FHDC1: variants seen among roughly 807,000 people sequenced by gnomAD.
FHDC1 encodes the protein FH2 domain containing 1.
FHDC1 carries 25 observed loss-of-function variants against 52.6 expected under a neutral mutation model. The observed-to-expected ratio is 0.48, with a 90% CI of 0.35 to 0.66. The LOEUF (loss-of-function observed/expected upper bound fraction) is 0.66, where lower values mean the gene tolerates loss of function less well. Among genes scored for constraint, FHDC1 ranks in the 30% least tolerant of loss-of-function variants. FHDC1 has a pLI of 0.01. For missense variants in FHDC1, 1,459 were observed against 1,452.8 expected (o/e 1.00, Z -0.07); for synonymous variants, 616 against 581.5 (o/e 1.06, Z -0.85).
chr4:152,934,614 C>G (rs939887250), upstream of FHDC1, among the ~76,000 whole-genome samples: 1 of 152,186 alleles, frequency 6.6e-6, no homozygotes, highest in Non-Finnish European at 1.5e-5. Flanking sequence ...AGTTTGAAAT[C>G]AGAAGGTATT....
chr4:152,954,079 A>C, intron 3 of FHDC1, 138 bp from the exon 4 acceptor site: 1 of 660,928 alleles, frequency 1.5e-6, no homozygotes, highest in Non-Finnish European at 2.6e-6. Context: ...TGTTATGAGC[A>C]CTCACACAAA....
chr4:152,943,109 AT>A lies in FHDC1; in HGVS notation c.54del (p.Ile18MetfsTer8). On this transcript the variant is annotated frameshift_variant, in exon 2 of 12. Transcript: ENST00000511601. LOFTEE classifies it high-confidence loss of function. Reference protein sequence around the residue: ...SLVSDKENGNIATAPGFMIGQ... With the variant: ...SLVSDKENGNXATAPGFMIGQ... ...GGTCAGTGATAAAGAAAATGGGAAT[AT>A]TGCCACAGCACCTGGATTCATGATT... The A allele has an allele frequency of 1.2e-6, 2 of 1,614,036 alleles. No individual in the cohort carries two copies. Among genetic ancestry groups the A allele is most frequent in the East Asian group, 4.5e-5 (2 of 44,876 alleles).
intron 1 of FHDC1, among the ~76,000 whole-genome samples, chr4:152,939,113 C>T (rs192548987): frequency 6.6e-6 from 1 of 152,226 alleles, no homozygotes; most frequent in African/African-American, 2.4e-5. Context: ...CGGAGTCTGG[C>T]TCTGTCGCCA....
the FHDC1 span, among the ~76,000 whole-genome samples, chr4:152,928,986 AG>A: frequency 6.6e-6 from 1 of 151,594 alleles, no homozygotes; most frequent in Admixed American, 6.6e-5. Flanking sequence ...AGAAAAAAAA[AG>A]AAAGTTTATT....
At position 152,968,098 on chromosome 4, in the gene FHDC1, G is replaced by A; in HGVS notation, c.1218+1G>A. ...TCAGCAGATGGAAGATTTTCTTCAG[G>A]TTTGTAGGTGACTCAAGTCAGTCCC... is the stretch of plus-strand genomic sequence containing the variant. On this transcript the variant is annotated splice_donor_variant, in intron 10 of 11. Coordinates refer to ENST00000511601, the MANE Select transcript of FHDC1 (RefSeq NM_001371116.1). LOFTEE classifies it high-confidence loss of function. 1.9e-6 allele frequency: 3 copies of A among 1,610,644 alleles called. No homozygotes were observed. The highest frequency in any genetic ancestry group is 2.5e-6 in the Non-Finnish European group (3 of 1,177,576).
At position 152,943,067 on chromosome 4, in the gene FHDC1, AT is replaced by A; in HGVS notation, c.11del (p.Met4ArgfsTer22). On this transcript the variant is annotated frameshift_variant, in exon 2 of 12. Transcript: ENST00000511601. LOFTEE classifies it high-confidence loss of function. ...AGGAGGCAACAGTACTATGCATGTT[AT>A]GAATTGTGTCTCCTTGGTCAGTGAT... is the stretch of plus-strand genomic sequence containing the variant. MHV[M>X]NCVSLVSDKE... 3 of 1,612,070 alleles carry A rather than the reference AT, an allele frequency of 1.9e-6. No individual in the cohort carries two copies. The African/African-American group carries it at 4.0e-5, about 21-fold the overall frequency.
At position 152,974,963 on chromosome 4, in the gene FHDC1, T is replaced by C; in HGVS notation, c.1672T>C (p.Ser558Pro). ...GGAGCTGCTGACCTTCTTGGAGAGCTCCACCGGCAGCCCTGAGGAGCCCAA... is the reference window on the plus strand; with the variant it reads ...GGAGCTGCTGACCTTCTTGGAGAGCCCCACCGGCAGCCCTGAGGAGCCCAA... ...DRELLTFLES[S>P]TGSPEEPNKF... Residue 558 changes from serine (S) to proline (P), a missense_variant, in exon 12 of 12, where the codon TCC (serine) becomes CCC (proline). By Grantham distance (74) the Ser-to-Pro change is moderately conservative. Around this residue, in one of 3 missense-constraint regions of FHDC1, gnomAD observed 939 missense variants for 854.5 expected, o/e 1.10. Coordinates refer to ENST00000511601, the MANE Select transcript of FHDC1 (RefSeq NM_001371116.1). 2.5e-6 allele frequency: 4 copies of C among 1,612,228 alleles called. No individual in the cohort carries two copies. Among genetic ancestry groups the C allele is most frequent in the Non-Finnish European group, 3.4e-6 (4 of 1,179,776 alleles).
intron 2 of FHDC1, among the ~76,000 whole-genome samples, chr4:152,953,070 G>A (rs62320606): frequency 0.031 from 4,678 of 151,952 alleles, 97 homozygotes; most frequent in South Asian, 0.09. Context: ...GTAGGCAGAG[G>A]TTGCAGTGAG....
intron 3 of FHDC1, 34 bp from the exon 4 acceptor site, chr4:152,954,183 C>A: frequency 6.3e-7 from 1 of 1,575,960 alleles, no homozygotes; most frequent in Non-Finnish European, 8.7e-7. Flanking sequence ...CTCCAGCAAA[C>A]GTGAAATGGA....
At chr4:152,940,544 A>G (rs1267972211) in intron 1 of FHDC1, among the ~76,000 whole-genome samples, 1 of 152,162 alleles carries the variant, frequency 6.6e-6, no homozygotes, top group Non-Finnish European at 1.5e-5. Flanking sequence ...ATAACCTTGG[A>G]GTATATAGTC....
chr4:152,916,423 C>T, the FHDC1 span, among the ~76,000 whole-genome samples: 1 of 151,852 alleles, frequency 6.6e-6, no homozygotes, highest in Admixed American at 6.6e-5. Context: ...TATGTATTCA[C>T]ATATATGGAG....
At chr4:152,960,676 T>G in intron 5 of FHDC1, 26 bp downstream of exon 5, 1 of 1,613,024 alleles carries the variant, frequency 6.2e-7, no homozygotes, top group Non-Finnish European at 8.5e-7. Context: ...CTGGTTATTA[T>G]TCTTCACGCA....
At chr4:152,962,788 G>A in intron 6 of FHDC1, 26 bp from the exon 7 acceptor site, 1 of 1,600,764 alleles carries the variant, frequency 6.2e-7, no homozygotes, top group Non-Finnish European at 8.6e-7. Context: ...CATCTCTAAG[G>A]TGCTGTGATG....
chr4:152,974,988 A>G lies in FHDC1; in HGVS notation c.1697A>G (p.Asn566Ser), dbSNP rs778126188. The change falls in exon 12 of 12, where the codon AAT (asparagine) becomes AGT (serine). Residue 566 changes from asparagine to serine, a missense_variant. By Grantham distance (46) the Asn-to-Ser change is conservative (BLOSUM62 1). This residue lies in a region of FHDC1 where 939 missense variants were observed against 854.5 expected (regional missense o/e 1.10). Coordinates refer to ENST00000511601, the MANE Select transcript of FHDC1 (RefSeq NM_001371116.1). ...ESSTGSPEEP[N>S]KFHSLPRSSP... Reference sequence around the variant, plus strand: ...TCCACCGGCAGCCCTGAGGAGCCCAATAAGTTCCACAGCCTGCCCCGGAGC... The same window carrying G: ...TCCACCGGCAGCCCTGAGGAGCCCAGTAAGTTCCACAGCCTGCCCCGGAGC... The G allele has an allele frequency of 5.5e-5, 88 of 1,612,382 alleles. No homozygotes were observed. The highest frequency in any genetic ancestry group is 8.8e-5 in the South Asian group (8 of 91,078).
chr4:152,968,958 G>T (rs1365512901), intron 10 of FHDC1, among the ~76,000 whole-genome samples: 1 of 152,048 alleles, frequency 6.6e-6, no homozygotes, highest in Non-Finnish European at 1.5e-5. Flanking sequence ...GAGTACGCAG[G>T]GCCCACAGGG....
At chr4:152,915,836 A>G in the FHDC1 span, among the ~76,000 whole-genome samples, 1 of 152,348 alleles carries the variant, frequency 6.6e-6, no homozygotes, top group Non-Finnish European at 1.5e-5. Flanking sequence ...GAAATGGGAA[A>G]AAGTACCATT....
upstream of FHDC1, among the ~76,000 whole-genome samples, chr4:152,935,846 T>TGTGC (rs138333040): frequency 6.1e-3 from 925 of 151,610 alleles, 10 homozygotes; most frequent in African/African-American, 0.019. Context: ...TGTGTGTGTG[T>TGTGC]GCGCGCGTGT....
chr4:152,912,233 A>T, the FHDC1 span: 2 of 152,190 alleles, frequency 1.3e-5, no homozygotes, highest in African/African-American at 4.8e-5. Flanking sequence ...ATATTTAGCC[A>T]ATGGTACATT....
intron 11 of FHDC1, 117 bp from the exon 12 acceptor site, chr4:152,974,558 G>T: frequency 7.0e-7 from 1 of 1,427,762 alleles, no homozygotes; most frequent in Non-Finnish European, 9.3e-7. Flanking sequence ...TGTAAGACAT[G>T]ACCCTGAGCT....
Sources: gnomAD v4.1 joint callset for allele counts (sites outside exome capture counted in the v4.1 genomes callset) on GRCh38, gnomAD v4.1.1 for gene constraint, gnomAD v4.1.1 regional missense constraint, MANE v1.5 for transcripts, NCBI Gene and HGNC (gene_info 2026-07-23, HGNC 2026-07-21) for gene names.